Variants in ANXA3 observed in about 807,000 individuals in gnomAD.
ANXA3 encodes 35-alpha calcimedin.
Under a neutral mutation model 48.8 loss-of-function variants are expected in ANXA3, and 46 were observed. The observed-to-expected ratio is 0.94, with a 90% CI of 0.74 to 1.21. The LOEUF (loss-of-function observed/expected upper bound fraction) is 1.21. ANXA3 is among the 50% of genes most tolerant of loss of function. The pLI is 0.00. For synonymous variants in ANXA3, 128 were observed against 134.7 expected, an observed-to-expected ratio of 0.95 and a Z score of 0.35; for missense variants, 383 against 378.6, an observed-to-expected ratio of 1.01 and a Z score of -0.10.
At chr4:78,559,351 G>A (rs948831254) in intron 2 of ANXA3, among the ~76,000 whole-genome samples, 1 of 152,090 alleles carries the variant, frequency 6.6e-6, no homozygotes, top group Admixed American at 6.5e-5. Context: ...CGGAAGTGTT[G>A]GGATTACAGG....
intron 5 of ANXA3, chr4:78,582,536 C>T (rs1305464077): frequency 7.2e-6 from 3 of 413,976 alleles, no homozygotes; most frequent in African/African-American, 2.0e-5. Flanking sequence ...AATTTGTCAT[C>T]GTTGAAAGTA....
intron 3 of ANXA3, among the ~76,000 whole-genome samples, chr4:78,578,300 A>AGAGCGAGAGC (rs1427862633): frequency 1.1e-5 from 1 of 87,716 alleles, no homozygotes; most frequent in African/African-American, 5.2e-5. Context: ...AGAGAGAGCG[A>AGAGCGAGAGC]GAGAGAGAGA....
At chr4:78,575,103 C>T (rs1447619175) in intron 3 of ANXA3, among the ~76,000 whole-genome samples, 2 of 152,188 alleles carry the variant, frequency 1.3e-5, no homozygotes, top group African/African-American at 4.8e-5. Flanking sequence ...TTTCCTGTCT[C>T]TACTCCAATG....
intron 2 of ANXA3, among the ~76,000 whole-genome samples, chr4:78,558,163 C>T (rs1722556113): frequency 6.6e-6 from 1 of 152,180 alleles, no homozygotes; most frequent in Non-Finnish European, 1.5e-5. Context: ...TGTATGATTT[C>T]ATTGATAAGA....
At chr4:78,577,442 T>TGTG (rs1722978396) in intron 3 of ANXA3, among the ~76,000 whole-genome samples, 1 of 152,180 alleles carries the variant, frequency 6.6e-6, no homozygotes, top group Admixed American at 6.5e-5. Context: ...CTTGTGCAGT[T>TGTG]GTGGTGGCCG....
At chr4:78,596,499 T>C (rs1191499690) in intron 9 of ANXA3, among the ~76,000 whole-genome samples, 2 of 152,220 alleles carry the variant, frequency 1.3e-5, no homozygotes, top group Non-Finnish European at 2.9e-5. Context: ...GGCTTCCAGA[T>C]GCTAGTTTAC....
intron 2 of ANXA3, among the ~76,000 whole-genome samples, chr4:78,557,362 A>G (rs1176183564): frequency 3.3e-5 from 5 of 152,210 alleles, no homozygotes; most frequent in Admixed American, 2.6e-4. Context: ...GTGTGATTAA[A>G]TTGGGCCCAC....
At chr4:78,594,046 T>G (rs1368638561) in intron 7 of ANXA3, among the ~76,000 whole-genome samples, 4 of 152,178 alleles carry the variant, frequency 2.6e-5, no homozygotes, top group Admixed American at 2.6e-4. Flanking sequence ...AAATCCTCTG[T>G]GCTCTGCCAG....
intron 6 of ANXA3, 52 bp downstream of exon 6, chr4:78,586,402 T>C: frequency 7.1e-7 from 1 of 1,406,986 alleles, no homozygotes; most frequent in Non-Finnish European, 9.9e-7. Context: ...TTTGAGCCAA[T>C]GTTGCTTTTC....
intron 11 of ANXA3, chr4:78,603,966 A>G (rs1015245399): frequency 1.0e-5 from 2 of 191,358 alleles, no homozygotes; most frequent in African/African-American, 2.3e-5. Context: ...GTATGCTCCC[A>G]TGGTACCCAA....
At chr4:78,601,364 T>G (rs910273212) in intron 10 of ANXA3, 146 bp from the exon 11 acceptor site, 29 of 642,662 alleles carry the variant, frequency 4.5e-5, no homozygotes, top group Middle Eastern at 3.2e-4. Context: ...AAGCAGCCTT[T>G]CTTTCATTCC....
chr4:78,598,833 C>G (rs888553518), intron 10 of ANXA3, among the ~76,000 whole-genome samples: 9 of 151,782 alleles, frequency 5.9e-5, no homozygotes, highest in African/African-American at 2.2e-4. Context: ...AGCCACCACC[C>G]CTGGCCTATA....
intron 6 of ANXA3, among the ~76,000 whole-genome samples, chr4:78,590,201 GT>G (rs1370105418): frequency 6.6e-6 from 1 of 152,072 alleles, no homozygotes; most frequent in African/African-American, 2.4e-5. Flanking sequence ...CAAATTTAAA[GT>G]TTTTTATCTA....
chr4:78,604,364 A>T lies in ANXA3; in HGVS notation c.877A>T (p.Lys293Ter), dbSNP rs373708588. Reference sequence around the variant, plus strand: ...TTTGGACATTCGAACAGAGTTCAAGAAGCATTATGGCTATTCCCTATATTC... The same window carrying T: ...TTTGGACATTCGAACAGAGTTCAAGTAGCATTATGGCTATTCCCTATATTC... The part of the protein sequence containing the change: ...DLLDIRTEFK[K>*]HYGYSLYSAI... Residue 293 changes from lysine to a stop codon, truncating the protein, a stop_gained, in exon 12 of 13, where the codon AAG (lysine) becomes TAG (stop). Transcript: ENST00000264908. LOFTEE classifies it high-confidence loss of function. The T allele has an allele frequency of 2.0e-5, 32 of 1,613,370 alleles. No individual in the cohort carries two copies. Among genetic ancestry groups the T allele is most frequent in the Non-Finnish European group, 2.6e-5 (31 of 1,179,546 alleles).
At chr4:78,585,596 C>A (rs1021941105) in intron 5 of ANXA3, among the ~76,000 whole-genome samples, 4 of 152,172 alleles carry the variant, frequency 2.6e-5, no homozygotes, top group African/African-American at 9.7e-5. Flanking sequence ...TTGGGGGTTC[C>A]ATTACTAAGC....
At chr4:78,564,104 A>C (rs1395687925) in intron 2 of ANXA3, among the ~76,000 whole-genome samples, 1 of 152,232 alleles carries the variant, frequency 6.6e-6, no homozygotes, top group Non-Finnish European at 1.5e-5. Context: ...ATACATGAAA[A>C]TTATTCTGAG....
In ANXA3 at chr4:78,610,182, T is replaced by C. The variant is rs925423561; in HGVS notation, c.*67T>C. ...AACAGCTCCACCTTACTTCTTCTCATACTATTTAAGAGAACAAGCAAATAT... is the reference window on the plus strand; with the variant it reads ...AACAGCTCCACCTTACTTCTTCTCACACTATTTAAGAGAACAAGCAAATAT... On this transcript the variant is annotated 3_prime_UTR_variant, in exon 13 of 13. Transcript: ENST00000264908. 3.5e-5 allele frequency: 41 copies of C among 1,182,156 alleles called. No homozygotes were observed. The highest frequency in any genetic ancestry group is 3.9e-4 in the Middle Eastern group (2 of 5,126). 73.2% of individuals were successfully genotyped at this position (1,182,156 alleles called of 1,614,324 possible). A position where few individuals can be genotyped will look rare whatever the true frequency, so the allele number is the denominator to read the frequency against.
chr4:78,593,373 T>G (rs1049688307), intron 7 of ANXA3, among the ~76,000 whole-genome samples: 2 of 151,874 alleles, frequency 1.3e-5, no homozygotes, highest in Non-Finnish European at 2.9e-5. Flanking sequence ...CGGCTAATTT[T>G]TGTATTTTAG....
chr4:78,555,781 G>C (rs1045283249), intron 2 of ANXA3, among the ~76,000 whole-genome samples: 1 of 151,898 alleles, frequency 6.6e-6, no homozygotes, highest in Admixed American at 6.6e-5. Context: ...AGCCCAAGAG[G>C]TGGAGGCTGC....
Sources: gnomAD v4.1 joint callset for allele counts (sites outside exome capture counted in the v4.1 genomes callset) on GRCh38, gnomAD v4.1.1 for gene constraint, MANE v1.5 for transcripts, NCBI Gene and HGNC (gene_info 2026-07-23, HGNC 2026-07-21) for gene names.